The following POLR2H variants were observed in gnomAD, a reference collection of about 807,000 sequenced individuals.
POLR2H encodes RNA polymerase II, I and III subunit H.
Under a neutral mutation model 18.1 loss-of-function variants are expected in POLR2H, and 3 were observed. The ratio of observed to expected loss-of-function variants is 0.17; its 90% confidence interval spans 0.08 to 0.43. POLR2H has a LOEUF of 0.43. Among genes scored for constraint, POLR2H ranks in the 20% least tolerant of loss-of-function variants. POLR2H has a pLI of 0.99. For missense variants in POLR2H, 103 were observed against 184.6 expected (o/e 0.56, Z 2.56); for synonymous variants, 76 against 69.0 (o/e 1.10, Z -0.50).
chr3:184,363,079 T>C lies in POLR2H; in HGVS notation c.-414T>C. On this transcript the variant is annotated 5_prime_UTR_variant, in exon 2 of 6. Coordinates refer to ENST00000456318, the MANE Select transcript of POLR2H (RefSeq NM_006232.5). Reference sequence around the variant, plus strand: ...GGCGGGGTAGGGCTAGGGCCCGGCTTCTCTGGGCCAAGGATCAAGGTCCCT... The same window carrying C: ...GGCGGGGTAGGGCTAGGGCCCGGCTCCTCTGGGCCAAGGATCAAGGTCCCT... 1 of 267,286 alleles carries C rather than the reference T, an allele frequency of 3.7e-6. No homozygotes were observed. Among genetic ancestry groups the C allele is most frequent in the South Asian group, 3.3e-5 (1 of 30,574 alleles). The allele number at this position is 267,286 out of a possible 1,614,324, so 16.6% of individuals were successfully genotyped here. A position where few individuals can be genotyped will look rare whatever the true frequency, so the allele number is the denominator to read the frequency against.
chr3:184,363,374 C>A lies in POLR2H; in HGVS notation c.-119C>A, dbSNP rs1163678340. The A allele has an allele frequency of 6.1e-6, 5 of 825,928 alleles. No individual in the cohort carries two copies. The highest frequency in any genetic ancestry group is 5.0e-5 in the African/African-American group (3 of 60,064). 51.2% of individuals were successfully genotyped at this position (825,928 alleles called of 1,614,324 possible). On this transcript the variant is annotated 5_prime_UTR_variant, in exon 2 of 6. Coordinates refer to ENST00000456318, the MANE Select transcript of POLR2H (RefSeq NM_006232.5). ...TGCGCATGCGCCACTCTCGTCTGGC[C>A]GCCGCGCTTTCAGGAGGTGCTTTTG...
intron 4 of POLR2H, 40 bp from the exon 5 acceptor site, chr3:184,366,677 A>T: frequency 8.6e-7 from 1 of 1,162,686 alleles, no homozygotes; most frequent in Non-Finnish European, 1.3e-6. Flanking sequence ...TTATATTGTT[A>T]ATTACTGTTA....
intron 5 of POLR2H, 136 bp from the exon 6 acceptor site, chr3:184,368,041 G>A: frequency 8.1e-7 from 1 of 1,242,232 alleles, no homozygotes; most frequent in Non-Finnish European, 1.2e-6. Flanking sequence ...GCACATACCT[G>A]TGCATTGATC....
At position 184,368,268 on chromosome 3, in the gene POLR2H, C is replaced by A; in HGVS notation, c.427C>A (p.Leu143Ile). 2.5e-6 allele frequency: 4 copies of A among 1,606,950 alleles called. No individual in the cohort carries two copies. Among genetic ancestry groups the A allele is most frequent in the Non-Finnish European group, 3.4e-6 (4 of 1,175,380 alleles). ...HGFEVDSRVYLLMKKLAF is the reference protein window; with the variant it reads ...HGFEVDSRVYILMKKLAF ...ATTCGAGGTGGACTCCAGAGTTTAT[C>A]TCCTGATGAAGAAGCTAGCCTTCTG... Residue 143 changes from leucine (L) to isoleucine (I), a missense_variant, in exon 6 of 6, where the codon CTC becomes ATC. Transcript: ENST00000456318.
intron 4 of POLR2H, among the ~76,000 whole-genome samples, chr3:184,365,987 A>AG (rs1399657473): frequency 5.3e-5 from 8 of 151,876 alleles, no homozygotes; most frequent in African/African-American, 1.9e-4. Context: ...AAAAAAAAAA[A>AG]AAAAAGAAAA....
rs751461323 is a variant in POLR2H, at chr3:184,368,223, G to T, written c.382G>T (p.Asp128Tyr). The T allele has an allele frequency of 3.7e-6, 6 of 1,613,872 alleles. No homozygotes were observed. The highest frequency in any genetic ancestry group is 4.2e-6 in the Non-Finnish European group (5 of 1,179,826). The change falls in exon 6 of 6, where the codon GAT (aspartate) becomes TAT (tyrosine). Residue 128 changes from aspartate (D) to tyrosine (Y), a missense_variant. Physicochemically the swap from Asp to Tyr is radical, Grantham distance 160. Transcript: ENST00000456318. ...YGGLLMRLQG[D>Y]ANNLHGFEVD... ...GGGCCTGCTCATGAGGCTGCAGGGGGATGCCAACAACCTGCATGGATTCGA... is the reference window on the plus strand; with the variant it reads ...GGGCCTGCTCATGAGGCTGCAGGGGTATGCCAACAACCTGCATGGATTCGA...
chr3:184,363,268 CG>C lies in POLR2H; in HGVS notation c.-223del, dbSNP rs1349687450. The C allele has an allele frequency of 1.2e-5, 7 of 593,230 alleles. No homozygotes were observed. The East Asian group carries it at 2.1e-4, about 17-fold the overall frequency. The allele number at this position is 593,230 out of a possible 1,614,324, so 36.7% of individuals were successfully genotyped here. On this transcript the variant is annotated 5_prime_UTR_variant, in exon 2 of 6. It removes the in-frame stop codon of an upstream open reading frame in the 5' UTR. Coordinates refer to ENST00000456318, the MANE Select transcript of POLR2H (RefSeq NM_006232.5). ...ACCCGCCCTCAATGCCGAAGCCTCT[CG>C]GAAGCAATCTTTCGGGACGGAAGTT...
chr3:184,368,138 C>G (rs1243100290), intron 5 of POLR2H, 39 bp from the exon 6 acceptor site: 2 of 1,613,732 alleles, frequency 1.2e-6, no homozygotes, highest in Admixed American at 1.7e-5. Context: ...TGCTGAGTGG[C>G]AGTGCTCCAG....
In POLR2H at chr3:184,367,732, C is replaced by T. The variant is rs186189969; in HGVS notation, c.336-445C>T. On this transcript the variant is annotated intron_variant, in intron 5 of 5. Coordinates refer to ENST00000456318, the MANE Select transcript of POLR2H (RefSeq NM_006232.5). The stretch of plus-strand genomic sequence containing the variant: ...GTCTTGATCTCCTGACCTCGTGATC[C>T]GCCCGCCTCAGCCTCCCAAAGTGCT... Among the ~76,000 whole-genome samples the T allele has an allele frequency of 7.1e-3, 1,073 of 152,128 alleles. 10 individuals are homozygous for T. Among genetic ancestry groups the T allele is most frequent in the African/African-American group, 0.024 (1,009 of 41,496 alleles).
At position 184,363,377 on chromosome 3, in the gene POLR2H, C is replaced by A. The variant is rs1356574786; in HGVS notation, c.-116C>A. The stretch of plus-strand genomic sequence containing the variant: ...GCATGCGCCACTCTCGTCTGGCCGC[C>A]GCGCTTTCAGGAGGTGCTTTTGGTT... On this transcript the variant is annotated 5_prime_UTR_variant, in exon 2 of 6. Coordinates refer to ENST00000456318, the MANE Select transcript of POLR2H (RefSeq NM_006232.5). 4 of 850,450 alleles carry A rather than the reference C, an allele frequency of 4.7e-6. No homozygotes were observed. Among genetic ancestry groups the A allele is most frequent in the South Asian group, 4.3e-5 (3 of 70,504 alleles). The allele number at this position is 850,450 out of a possible 1,614,324, so 52.7% of individuals were successfully genotyped here.
At chr3:184,363,695 T>G in intron 2 of POLR2H, 130 bp downstream of exon 2, 1 of 656,632 alleles carries the variant, frequency 1.5e-6, no homozygotes, top group Middle Eastern at 3.0e-4. Context: ...CCTCCCTCAG[T>G]AAACATTTTA....
rs780161088 is a variant in POLR2H at position 184,368,219 on chromosome 3, G to A, written c.378G>A (p.Gln126=). The A allele has an allele frequency of 3.1e-6, 5 of 1,613,996 alleles. No homozygotes were observed. Among genetic ancestry groups the A allele is most frequent in the Admixed American group, 3.3e-5 (2 of 59,988 alleles). ...ATGGGGGCCTGCTCATGAGGCTGCA[G>A]GGGGATGCCAACAACCTGCATGGAT... ...VSYGGLLMRL[Q]GDANNLHGFE... is the part of the protein sequence containing the mutation. The change falls in exon 6 of 6, where the codon CAG becomes CAA. Residue 126 remains glutamine, a synonymous_variant. Coordinates refer to ENST00000456318, the MANE Select transcript of POLR2H (RefSeq NM_006232.5).
chr3:184,365,344 CCTTAAGGAAATTT>C, intron 4 of POLR2H, 118 bp downstream of exon 4: 1 of 776,070 alleles, frequency 1.3e-6, no homozygotes, highest in Non-Finnish European at 2.3e-6. Flanking sequence ...ATCTGAGTAA[CCTTAAGGAAATTT>C]CTGCACTTAA....
chr3:184,366,487 A>G (rs41266277), intron 4 of POLR2H: 17,525 of 326,892 alleles, frequency 0.054, 626 homozygotes, highest in African/African-American at 0.12. Flanking sequence ...ACAGGAGCCC[A>G]CTACCACGCC....
At chr3:184,366,547 C>T (rs1245111693) in intron 4 of POLR2H, 170 bp from the exon 5 acceptor site, 1 of 469,432 alleles carries the variant, frequency 2.1e-6, no homozygotes, top group Non-Finnish European at 3.9e-6. Flanking sequence ...ACTGTGTTAG[C>T]CAGGATGGTC....
At chr3:184,365,286 T>C (rs1577343792) in intron 4 of POLR2H, 60 bp downstream of exon 4, 2 of 982,036 alleles carry the variant, frequency 2.0e-6, no homozygotes, top group East Asian at 4.7e-5. Flanking sequence ...AGATAAGTGA[T>C]ATAGAAAGAC....
At position 184,366,841 on chromosome 3, in the gene POLR2H, T is replaced by C. The variant is rs915122723; in HGVS notation, c.335+41T>C. The C allele has an allele frequency of 9.1e-6, 11 of 1,203,184 alleles. No individual in the cohort carries two copies. The African/African-American group carries it at 1.6e-4, about 18-fold the overall frequency. 74.5% of individuals were successfully genotyped at this position (1,203,184 alleles called of 1,614,324 possible). A position where few individuals can be genotyped will look rare whatever the true frequency, so the allele number is the denominator to read the frequency against. On this transcript the variant is annotated intron_variant, in intron 5 of 5. Transcript: ENST00000456318. ...TTGTGAGGATTCTTTTCCTCTTCCA[T>C]GTTCTGAGACTTTGAGCTATGCTCC... is the stretch of plus-strand genomic sequence containing the variant.
rs756660597 is a variant in POLR2H at position 184,365,053 on chromosome 3, A to C, written c.157+4A>C. On this transcript the variant is annotated splice_donor_region_variant and intron_variant, in intron 3 of 5. Transcript: ENST00000456318. ...CAAATTTACCCTGTAGACTTGGGTA[A>C]GTATTGAATACAGACAATAATAAGA... is the stretch of plus-strand genomic sequence containing the variant. The C allele has an allele frequency of 2.5e-6, 4 of 1,586,048 alleles. No homozygotes were observed. In the East Asian group the frequency reaches 8.9e-5, roughly 35 times the overall value.
chr3:184,365,491 C>A, intron 4 of POLR2H: 1 of 426,168 alleles, frequency 2.3e-6, no homozygotes. Context: ...CGAAACCTCA[C>A]TGCTACAAAA....
Sources: allele counts gnomAD v4.1 joint callset (sites outside exome capture counted in the v4.1 genomes callset), GRCh38; gene constraint gnomAD v4.1.1; transcripts MANE v1.5; gene names NCBI Gene and HGNC (gene_info 2026-07-23, HGNC 2026-07-21).